Variants in RASGEF1A observed in about 807,000 individuals in gnomAD.
The protein encoded by RASGEF1A is RasGEF domain family member 1A, also known as ras-GEF domain-containing family member 1A.
RASGEF1A carries 18 observed loss-of-function variants against 56.4 expected under a neutral mutation model. The ratio of observed to expected loss-of-function variants is 0.32; its 90% CI spans 0.22 to 0.47. The LOEUF is 0.47. Among genes scored for constraint, RASGEF1A ranks in the 20% least tolerant of loss-of-function variants. The pLI is 1.00. For synonymous variants in RASGEF1A, 245 were observed against 242.6 expected (o/e 1.01, Z -0.09); for missense variants, 422 against 627.1 (o/e 0.67, Z 3.49).
chr10:43,218,239 C>G (rs1016248873), intron 1 of RASGEF1A, among the ~76,000 whole-genome samples: 1 of 152,174 alleles, frequency 6.6e-6, no homozygotes, highest in African/African-American at 2.4e-5. Flanking sequence ...TGGTGCTGCC[C>G]CCTCCCTCAT....
chr10:43,197,610 A>G (rs1440141760), intron 10 of RASGEF1A, among the ~76,000 whole-genome samples: 1 of 152,162 alleles, frequency 6.6e-6, no homozygotes, highest in Non-Finnish European at 1.5e-5. Flanking sequence ...CCCACGAGGC[A>G]GGCTCTTCAC....
intron 1 of RASGEF1A, among the ~76,000 whole-genome samples, chr10:43,261,020 C>G (rs1307579262): frequency 6.6e-6 from 1 of 152,126 alleles, no homozygotes; most frequent in Admixed American, 6.5e-5. Context: ...TCAGCCTGTG[C>G]GCACCCACCA....
chr10:43,223,883 G>A (rs1840240602), intron 1 of RASGEF1A, among the ~76,000 whole-genome samples: 1 of 152,034 alleles, frequency 6.6e-6, no homozygotes, highest in Admixed American at 6.5e-5. Context: ...AGGAAGAAAG[G>A]AAGGACATGA....
chr10:43,261,022 C>T (rs1407155649), intron 1 of RASGEF1A, among the ~76,000 whole-genome samples: 1 of 152,292 alleles, frequency 6.6e-6, no homozygotes, highest in African/African-American at 2.4e-5. Flanking sequence ...AGCCTGTGCG[C>T]ACCCACCAGG....
intron 1 of RASGEF1A, among the ~76,000 whole-genome samples, chr10:43,229,896 G>A (rs1018686446): frequency 2.0e-5 from 3 of 152,012 alleles, no homozygotes; most frequent in Non-Finnish European, 4.4e-5. Context: ...GAGGCTAGGA[G>A]CATGGCGCGG....
intron 1 of RASGEF1A, among the ~76,000 whole-genome samples, chr10:43,227,297 C>T (rs994337084): frequency 9.9e-5 from 15 of 152,146 alleles, no homozygotes; most frequent in African/African-American, 3.6e-4. Flanking sequence ...TGCCTGCCCC[C>T]CCGACAGATG....
At chr10:43,235,851 C>G (rs1438684283) in intron 1 of RASGEF1A, among the ~76,000 whole-genome samples, 1 of 66,972 alleles carries the variant, frequency 1.5e-5, no homozygotes. Flanking sequence ...TGCAGCCACA[C>G]AGGCAGGACG....
At position 43,197,059 on chromosome 10, in the gene RASGEF1A, G is replaced by A. The variant is rs1305645338; in HGVS notation, c.1265C>T (p.Thr422Ile). 6.2e-7 allele frequency: 1 copy of A among 1,613,874 alleles called. No homozygotes were observed. Among genetic ancestry groups the A allele is most frequent in the Non-Finnish European group, 8.5e-7 (1 of 1,179,884 alleles). Residue 422 changes from threonine to isoleucine, a missense_variant, in exon 11 of 13, where the codon ACA becomes ATA. By Grantham distance (89) the Thr-to-Ile change is moderately conservative (BLOSUM62 -1). Coordinates refer to ENST00000395810, the MANE Select transcript of RASGEF1A (RefSeq NM_145313.4). ...GAAAGGACACTCTACCTGTGTCCAT[G>A]TCATGAACTCATGGATCTGTCTGGA... Reference protein sequence around the residue: ...EISRQIHEFMTWTQVECPFEK... With the variant: ...EISRQIHEFMIWTQVECPFEK...
chr10:43,261,905 G>A (rs1836535612), intron 1 of RASGEF1A, among the ~76,000 whole-genome samples: 1 of 152,216 alleles, frequency 6.6e-6, no homozygotes, highest in South Asian at 2.1e-4. Context: ...GGAGAAATCT[G>A]GACCTTGGAG....
intron 1 of RASGEF1A, among the ~76,000 whole-genome samples, chr10:43,214,512 G>A (rs1840108976): frequency 6.6e-6 from 1 of 152,202 alleles, no homozygotes; most frequent in Admixed American, 6.5e-5. Flanking sequence ...TATGGGAGGA[G>A]CATCAGAAGG....
intron 2 of RASGEF1A, among the ~76,000 whole-genome samples, chr10:43,204,098 T>C (rs893392527): frequency 1.3e-5 from 2 of 152,122 alleles, no homozygotes; most frequent in Admixed American, 6.5e-5. Flanking sequence ...TCTTGGGCCT[T>C]TTGTCTAATG....
At position 43,196,848 on chromosome 10, in the gene RASGEF1A, G is replaced by T; in HGVS notation, c.1348+128C>A. ...CCCTCATGCACACTCGCCCCTGCGA[G>T]CAGAGCCAGCCCTGTGTGGCATGGA... On this transcript the variant is annotated intron_variant, in intron 11 of 12. Coordinates refer to ENST00000395810, the MANE Select transcript of RASGEF1A (RefSeq NM_145313.4). This position sits in a 1 kb window ranked among gnomAD's most constrained non-coding sequence, Gnocchi z 4.6. 8.5e-7 allele frequency: 1 copy of T among 1,180,236 alleles called. No individual in the cohort carries two copies. The highest frequency in any genetic ancestry group is 1.2e-6 in the Non-Finnish European group (1 of 843,482). The allele number at this position is 1,180,236 out of a possible 1,614,324, so 73.1% of individuals were successfully genotyped here.
chr10:43,208,842 C>T (rs1840030179), intron 1 of RASGEF1A: 5 of 985,456 alleles, frequency 5.1e-6, no homozygotes, highest in Non-Finnish European at 4.8e-6. Context: ...AGTGGAGAGG[C>T]AGGTTCCCTA....
At chr10:43,212,528 C>T (rs1443157669) in intron 1 of RASGEF1A, among the ~76,000 whole-genome samples, 1 of 152,224 alleles carries the variant, frequency 6.6e-6, no homozygotes, top group Admixed American at 6.5e-5. Context: ...CGGCCTGGGG[C>T]AGTTCCTCTG....
chr10:43,255,947 C>T (rs1840683231), intron 1 of RASGEF1A, among the ~76,000 whole-genome samples: 1 of 152,206 alleles, frequency 6.6e-6, no homozygotes, highest in African/African-American at 2.4e-5. Context: ...CGATGCCCTC[C>T]TTCCTCCCCT....
At chr10:43,243,823 C>G (rs919370706) in intron 1 of RASGEF1A, among the ~76,000 whole-genome samples, 4 of 148,248 alleles carry the variant, frequency 2.7e-5, no homozygotes, top group Non-Finnish European at 6.0e-5. Flanking sequence ...GGCCACCCAG[C>G]CTGGGAAGTG....
chr10:43,237,649 G>A (rs1840448201), intron 1 of RASGEF1A, among the ~76,000 whole-genome samples: 1 of 152,140 alleles, frequency 6.6e-6, no homozygotes, highest in Admixed American at 6.5e-5. Context: ...CTCATCAGAG[G>A]CACCAGGCTA....
rs1839799878 is a variant in RASGEF1A at position 43,196,469 on chromosome 10, C to T, written c.1421+7G>A. ...TACAGACTCCCATGTTCCTGACGCC[C>T]TCCTACCTGAGGGTCTTCCAGCTGT... On this transcript the variant is annotated splice_region_variant and intron_variant, in intron 12 of 12. Coordinates refer to ENST00000395810, the MANE Select transcript of RASGEF1A (RefSeq NM_145313.4). This position sits in a 1 kb window ranked among gnomAD's most constrained non-coding sequence, Gnocchi z 4.6. 6.2e-7 allele frequency: 1 copy of T among 1,613,770 alleles called. No homozygotes were observed. The highest frequency in any genetic ancestry group is 8.5e-7 in the Non-Finnish European group (1 of 1,179,744).
rs535308124 is a variant in RASGEF1A at position 43,214,369 on chromosome 10, G to A, written c.-6-8247C>T. ...GAGGAGACCCAACAGAGCCACAGGA[G>A]GCTTGACACCACCGTGGCCTCATAA... is the stretch of plus-strand genomic sequence containing the variant. On this transcript the variant is annotated intron_variant, in intron 1 of 12. Transcript: ENST00000395810. Among the ~76,000 whole-genome samples the A allele has an allele frequency of 2.8e-4, 43 of 152,210 alleles. 1 individual carries two copies. The highest frequency in any genetic ancestry group is 3.1e-4 in the Non-Finnish European group (21 of 68,038).
Sources: allele counts gnomAD v4.1 joint callset (sites outside exome capture counted in the v4.1 genomes callset), GRCh38; gene constraint gnomAD v4.1.1; non-coding constraint Gnocchi (gnomAD v3.1); transcripts MANE v1.5; gene names NCBI Gene and HGNC (gene_info 2026-07-23, HGNC 2026-07-21).